ANKRD36: variants seen among roughly 807,000 people sequenced by gnomAD.
ANKRD36 encodes the protein ankyrin repeat domain-containing protein 36A.
In ANKRD36, 179 loss-of-function variants were observed where a neutral mutation model predicts 278.1. That is an observed-to-expected ratio of 0.64 (90% CI 0.57 to 0.73). The LOEUF (loss-of-function observed/expected upper bound fraction) is 0.73, where lower values mean the gene tolerates loss of function less well. Ranked by LOEUF, ANKRD36 falls within the 30% of genes least tolerant of loss-of-function variation. The pLI is 0.00. For synonymous variants in ANKRD36, 320 were observed against 641.1 expected (o/e 0.50, Z 7.57); for missense variants, 1,159 against 1,956.7 (o/e 0.59, Z 7.69).
At chr2:97,126,370 T>C (rs1364636899) in intron 5 of ANKRD36, among the ~76,000 whole-genome samples, 4 of 150,646 alleles carry the variant, frequency 2.7e-5, no homozygotes, top group Non-Finnish European at 5.9e-5. Flanking sequence ...GTTAGTTTTC[T>C]GCCCTTGGAA....
intron 3 of ANKRD36, 145 bp downstream of exon 3, chr2:97,118,662 T>C: frequency 1.5e-6 from 1 of 654,412 alleles, no homozygotes; most frequent in East Asian, 2.9e-5. Flanking sequence ...GTCTAAGATT[T>C]TACTTTAAAT....
chr2:97,139,977 C>G (rs1424049732), intron 6 of ANKRD36, among the ~76,000 whole-genome samples: 1 of 151,780 alleles, frequency 6.6e-6, no homozygotes, highest in Non-Finnish European at 1.5e-5. Flanking sequence ...AGAAAAAACA[C>G]CCTGTAAAGC....
At chr2:97,205,125 A>C (rs1418820745) in intron 50 of ANKRD36, among the ~76,000 whole-genome samples, 2 of 151,678 alleles carry the variant, frequency 1.3e-5, no homozygotes, top group Non-Finnish European at 3.0e-5. Context: ...ATTCCAATGA[A>C]GTCCTAGAGT....
In ANKRD36 at chr2:97,118,405, A is replaced by T. The variant is rs775750520; in HGVS notation, c.374A>T (p.Asn125Ile). 4.1e-5 allele frequency: 66 copies of T among 1,607,782 alleles called. 2 individuals carry two copies. The highest frequency in any genetic ancestry group is 2.0e-4 in the Middle Eastern group (1 of 4,958). ...CTGCTGCAAAATGGCGCCAATCCAA[A>T]TATTACGGATTTCTTTGGAAGGACT... ...TLLLQNGANP[N>I]ITDFFGRTAL... Residue 125 changes from asparagine (N) to isoleucine (I), a missense_variant, in exon 3 of 76, where the codon AAT (asparagine) becomes ATT (isoleucine). Asn to Ile is a moderately radical substitution (Grantham distance 149, BLOSUM62 -3). Transcript: ENST00000420699.
chr2:97,134,000 G>A (rs921784155), intron 6 of ANKRD36, among the ~76,000 whole-genome samples: 6 of 151,142 alleles, frequency 4.0e-5, no homozygotes, highest in African/African-American at 1.2e-4. Context: ...CTGGACAAAT[G>A]TATAATAAAT....
intron 67 of ANKRD36, among the ~76,000 whole-genome samples, chr2:97,228,572 C>A (rs1353654837): frequency 6.6e-6 from 1 of 151,928 alleles, no homozygotes; most frequent in African/African-American, 2.4e-5. Flanking sequence ...TTTTGTTGAT[C>A]CTTTCAAAAA....
intron 22 of ANKRD36, among the ~76,000 whole-genome samples, chr2:97,170,873 A>G (rs2052267131): frequency 3.4e-5 from 5 of 148,918 alleles, no homozygotes; most frequent in African/African-American, 9.9e-5. Context: ...AAACAACCCC[A>G]TCAAAAAGTG....
chr2:97,165,577 A>G (rs2050403312), intron 20 of ANKRD36, among the ~76,000 whole-genome samples: 1 of 148,970 alleles, frequency 6.7e-6, no homozygotes, highest in African/African-American at 2.5e-5. Flanking sequence ...AGAAATGGCC[A>G]AAGTATCATT....
At position 97,179,752 on chromosome 2, in the gene ANKRD36, C is replaced by T; in HGVS notation, c.1648C>T (p.Gln550Ter). ...PPPGKVSSQK[Q>*]PAEKATSDDK... ...TTGCTTTTCAGTGTCTTCTCAGAAACAACCAGCTGAGAAGGTAATTAAAGT... is the reference window on the plus strand; with the variant it reads ...TTGCTTTTCAGTGTCTTCTCAGAAATAACCAGCTGAGAAGGTAATTAAAGT... The change falls in exon 23 of 76, where the codon CAA (glutamine) becomes TAA (stop). Residue 550 changes from glutamine to a stop codon, truncating the protein, a stop_gained. Coordinates refer to ENST00000420699, the MANE Select transcript of ANKRD36 (RefSeq NM_001354587.1). LOFTEE classifies it high-confidence loss of function. 6.3e-7 allele frequency: 1 copy of T among 1,593,660 alleles called. No homozygotes were observed. Among genetic ancestry groups the T allele is most frequent in the East Asian group, 2.2e-5 (1 of 44,562 alleles).
chr2:97,235,149 A>G (rs1270907219), intron 68 of ANKRD36, among the ~76,000 whole-genome samples: 1 of 151,434 alleles, frequency 6.6e-6, no homozygotes, highest in African/African-American at 2.4e-5. Flanking sequence ...TGGATCTTCC[A>G]TTTAAATCTG....
chr2:97,217,778 A>G (rs1455291120), intron 64 of ANKRD36, among the ~76,000 whole-genome samples: 2 of 151,736 alleles, frequency 1.3e-5, no homozygotes, highest in African/African-American at 2.4e-5. Flanking sequence ...ATAATAACCC[A>G]TAAACACTGG....
chr2:97,194,586 C>G, intron 38 of ANKRD36, 140 bp from the exon 39 acceptor site: 2 of 1,483,812 alleles, frequency 1.3e-6, no homozygotes, highest in African/African-American at 1.4e-5. Context: ...ATGTTCTGGT[C>G]CCCAGACAGA....
intron 50 of ANKRD36, among the ~76,000 whole-genome samples, chr2:97,205,602 T>C (rs1361565644): frequency 6.6e-6 from 1 of 151,554 alleles, no homozygotes; most frequent in Admixed American, 6.6e-5. Flanking sequence ...TGCTTTGACA[T>C]TGATTCTCAG....
Position 97,231,622 on chromosome 2 carries a change from A to G in ANKRD36, c.3952-2108A>G, listed in dbSNP as rs549892369. 4.5e-3 allele frequency among the ~76,000 whole-genome samples: 690 copies of G among 152,160 alleles called. 10 individuals carry two copies. Among genetic ancestry groups the G allele is most frequent in the African/African-American group, 0.015 (626 of 41,516 alleles). On this transcript the variant is annotated intron_variant, in intron 67 of 75. Transcript: ENST00000420699. ...AATGCCTCACCCTCCTTTGGGTCAC[A>G]CACGGTGCACTGCACCCACTGTCCA...
At chr2:97,186,231 A>G (rs2057393365) in intron 30 of ANKRD36, among the ~76,000 whole-genome samples, 1 of 151,494 alleles carries the variant, frequency 6.6e-6, no homozygotes, top group African/African-American at 2.4e-5. Flanking sequence ...AAATTAGATA[A>G]ACTTGAATAT....
intron 40 of ANKRD36, 45 bp from the exon 41 acceptor site, chr2:97,196,548 G>A (rs1558672286): frequency 1.2e-6 from 2 of 1,602,298 alleles, no homozygotes; most frequent in South Asian, 1.1e-5. Context: ...GGATATCTTT[G>A]TCATATTTAT....
At chr2:97,152,789 A>G (rs1291535195) in intron 14 of ANKRD36, among the ~76,000 whole-genome samples, 1 of 147,312 alleles carries the variant, frequency 6.8e-6, no homozygotes, top group East Asian at 2.0e-4. Context: ...TTAGACCATC[A>G]TGCTGCCTGG....
chr2:97,232,423 T>C (rs1420839013), intron 67 of ANKRD36, among the ~76,000 whole-genome samples: 1 of 133,952 alleles, frequency 7.5e-6, no homozygotes, highest in Non-Finnish European at 1.5e-5. Flanking sequence ...CCTTTAAAAT[T>C]CATCACAAAT....
intron 4 of ANKRD36, 125 bp downstream of exon 4, chr2:97,123,118 G>A (rs2037364407): frequency 1.3e-6 from 1 of 777,150 alleles, no homozygotes; most frequent in Non-Finnish European, 1.9e-6. Context: ...GGGATATAGT[G>A]AGAAATAACA....
Sources: allele counts gnomAD v4.1 joint callset (sites outside exome capture counted in the v4.1 genomes callset), GRCh38; gene constraint gnomAD v4.1.1; transcripts MANE v1.5; gene names NCBI Gene and HGNC (gene_info 2026-07-23, HGNC 2026-07-21).